The following FOXP1 variants were observed in gnomAD, a reference collection of about 807,000 sequenced individuals.
The protein encoded by FOXP1 is forkhead box P1.
Under a neutral mutation model 98.2 loss-of-function variants are expected in FOXP1, and 15 were observed. That is an observed-to-expected ratio of 0.15 (90% CI 0.10 to 0.24). The LOEUF is 0.24. Ranked by LOEUF, FOXP1 falls within the 10% of genes least tolerant of loss-of-function variation. The probability of loss-of-function intolerance (pLI) is 1.00; values close to 1 mark genes in which losing one functional copy is unlikely to be tolerated. For missense variants in FOXP1, 633 were observed against 848.5 expected (o/e 0.75, Z 3.15); for synonymous variants, 371 against 314.5 (o/e 1.18, Z -1.90).
intron 3 of FOXP1, among the ~76,000 whole-genome samples, chr3:71,483,587 C>T (rs62247166): frequency 0.41 from 61,682 of 152,002 alleles, 13,408 homozygotes; most frequent in Non-Finnish European, 0.48. Flanking sequence ...ATTCTAATTT[C>T]GGCGTCTGTA....
At chr3:71,230,656 G>A (rs200072919) in intron 5 of FOXP1, among the ~76,000 whole-genome samples, 6 of 152,274 alleles carry the variant, frequency 3.9e-5, no homozygotes, top group Admixed American at 2.0e-4. Context: ...AGTAATACTC[G>A]GGGAAGAAAG....
intron 4 of FOXP1, among the ~76,000 whole-genome samples, chr3:71,307,246 A>C (rs886590219): frequency 2.6e-5 from 4 of 152,214 alleles, no homozygotes; most frequent in Admixed American, 2.6e-4. Flanking sequence ...ACAGCCTTCG[A>C]GAATGCTGTG....
At position 71,283,538 on chromosome 3, in the gene FOXP1, C is replaced by T. The variant is rs985890072; in HGVS notation, c.-12+16282G>A. 8.9e-4 allele frequency among the ~76,000 whole-genome samples: 136 copies of T among 152,302 alleles called. 1 individual carries two copies. Among genetic ancestry groups the T allele is most frequent in the African/African-American group, 3.2e-3 (133 of 41,556 alleles). ...TGTCCTCCATGTGACAGGGAGACTC[C>T]TGAAGGGATCTGGATGACAACCCTT... On this transcript the variant is annotated intron_variant, in intron 5 of 20. Transcript: ENST00000649528.
chr3:71,068,292 T>C (rs1013789410), intron 7 of FOXP1, among the ~76,000 whole-genome samples: 3 of 152,202 alleles, frequency 2.0e-5, no homozygotes, highest in Non-Finnish European at 2.9e-5. Flanking sequence ...ACTAAAATCA[T>C]GTATTATATT....
chr3:71,248,474 G>A (rs1434945713), intron 5 of FOXP1, among the ~76,000 whole-genome samples: 1 of 152,152 alleles, frequency 6.6e-6, no homozygotes, highest in Non-Finnish European at 1.5e-5. Context: ...CAGGCACGGT[G>A]GCTCACGCCT....
intron 11 of FOXP1, among the ~76,000 whole-genome samples, chr3:71,022,043 CAA>C (rs898930722): frequency 2.0e-5 from 3 of 152,154 alleles, no homozygotes; most frequent in Non-Finnish European, 1.5e-5. Context: ...CTCAAGGTAA[CAA>C]AGAGTTACTT....
chr3:71,053,516 C>T (rs530672269), intron 8 of FOXP1, 120 bp downstream of exon 8: 90 of 1,240,952 alleles, frequency 7.3e-5, no homozygotes, highest in Non-Finnish European at 9.1e-5. Context: ...GCCCCACCCA[C>T]GCTGCTTTAC....
chr3:71,071,586 T>C (rs1323209312), intron 7 of FOXP1, among the ~76,000 whole-genome samples: 1 of 152,204 alleles, frequency 6.6e-6, no homozygotes, highest in Non-Finnish European at 1.5e-5. Context: ...TCTTTTTTTC[T>C]TTTTTGAGAT....
intron 2 of FOXP1, among the ~76,000 whole-genome samples, chr3:71,515,187 T>C (rs1250656959): frequency 1.3e-5 from 2 of 152,126 alleles, no homozygotes; most frequent in Non-Finnish European, 2.9e-5. Context: ...CTGTTGAATA[T>C]ATAACCATGG....
chr3:71,559,639 A>T (rs1221452374), intron 2 of FOXP1, among the ~76,000 whole-genome samples: 3 of 152,204 alleles, frequency 2.0e-5, no homozygotes, highest in African/African-American at 7.2e-5. Flanking sequence ...TGAGCCTAGA[A>T]GTCTGAGACC....
At chr3:71,133,777 G>A (rs565065027) in intron 6 of FOXP1, among the ~76,000 whole-genome samples, 5 of 151,724 alleles carry the variant, frequency 3.3e-5, no homozygotes, top group East Asian at 3.9e-4. Context: ...TTGAGTACAC[G>A]TTACATTGCA....
At chr3:71,353,397 CAG>C (rs760540481) in intron 4 of FOXP1, among the ~76,000 whole-genome samples, 1 of 152,064 alleles carries the variant, frequency 6.6e-6, no homozygotes, top group Non-Finnish European at 1.5e-5. Flanking sequence ...TATTTGGAGA[CAG>C]GGGTGTTATA....
At chr3:71,466,001 T>C (rs1431331408) in intron 3 of FOXP1, among the ~76,000 whole-genome samples, 2 of 152,144 alleles carry the variant, frequency 1.3e-5, no homozygotes, top group Non-Finnish European at 2.9e-5. Context: ...CTCGCATCCA[T>C]GGAAAAACTG....
At position 71,304,054 on chromosome 3, in the gene FOXP1, A is replaced by G. The variant is rs1005734070; in HGVS notation, c.-72-4174T>C. Among the ~76,000 whole-genome samples, 16 of 152,170 alleles carry G rather than the reference A, an allele frequency of 1.1e-4. No homozygotes were observed. The South Asian group carries it at 3.3e-3, about 32-fold the overall frequency. The stretch of plus-strand genomic sequence containing the variant: ...TCTCTCTCCTATCCCTGCAAGTAAC[A>G]TTTTACTTCCTTTCTCCTCATCCTC... On this transcript the variant is annotated intron_variant, in intron 4 of 20. Transcript: ENST00000649528.
chr3:71,239,325 C>T (rs891584510), intron 5 of FOXP1, among the ~76,000 whole-genome samples: 11 of 152,082 alleles, frequency 7.2e-5, no homozygotes, highest in Non-Finnish European at 1.3e-4. Context: ...AGGCAGATCA[C>T]GAGGTCAGGA....
chr3:71,551,830 A>G (rs1206829226), intron 2 of FOXP1, among the ~76,000 whole-genome samples: 3 of 152,232 alleles, frequency 2.0e-5, no homozygotes, highest in African/African-American at 4.8e-5. Context: ...TCACATGGAA[A>G]GAATTTAAAG....
At chr3:70,989,514 G>T (rs1559654869) in intron 13 of FOXP1, among the ~76,000 whole-genome samples, 1 of 152,104 alleles carries the variant, frequency 6.6e-6, no homozygotes, top group East Asian at 1.9e-4. Context: ...TAATGCTAAA[G>T]GAATTTAGTT....
intron 3 of FOXP1, among the ~76,000 whole-genome samples, chr3:71,436,514 C>G (rs1487662838): frequency 6.6e-6 from 1 of 152,018 alleles, no homozygotes; most frequent in Non-Finnish European, 1.5e-5. Context: ...ATGACTCACT[C>G]TCATAAAAAT....
intron 3 of FOXP1, among the ~76,000 whole-genome samples, chr3:71,360,197 G>A (rs1468638753): frequency 6.6e-6 from 1 of 152,202 alleles, no homozygotes. Flanking sequence ...ATTTTGCCAT[G>A]AGTTTTGATC....
Sources: gnomAD v4.1 joint callset for allele counts (sites outside exome capture counted in the v4.1 genomes callset) on GRCh38, gnomAD v4.1.1 for gene constraint, MANE v1.5 for transcripts, NCBI Gene and HGNC (gene_info 2026-07-23, HGNC 2026-07-21) for gene names.